The following DGKI variants were observed in gnomAD, a reference collection of about 807,000 sequenced individuals.
DGKI encodes the protein DAG kinase iota.
In DGKI, 55 loss-of-function variants were observed where a neutral mutation model predicts 147.5. The observed-to-expected ratio is 0.37, with a 90% CI of 0.30 to 0.47. DGKI has a LOEUF of 0.47. Among genes scored for constraint, DGKI ranks in the 20% least tolerant of loss-of-function variants. DGKI has a pLI of 1.00. For synonymous variants in DGKI, 469 were observed against 477.1 expected, an observed-to-expected ratio of 0.98 and a Z score of 0.22; for missense variants, 1,007 against 1,323.8, an observed-to-expected ratio of 0.76 and a Z score of 3.71.
At chr7:137,737,512 TAA>T (rs11435717) in intron 1 of DGKI, among the ~76,000 whole-genome samples, 1 of 146,584 alleles carries the variant, frequency 6.8e-6, no homozygotes. Context: ...TTCGTTTTAT[TAA>T]AAAAAAAAAA....
At chr7:137,406,169 G>C (rs948472295) in intron 30 of DGKI, among the ~76,000 whole-genome samples, 2 of 142,610 alleles carry the variant, frequency 1.4e-5, no homozygotes, top group African/African-American at 2.4e-5. Context: ...AAGTGATCAA[G>C]AAGACAGCAA....
rs200038784 is a variant in DGKI, at chr7:137,425,444, G to A, written c.2762-13237C>T. Among the ~76,000 whole-genome samples the A allele has an allele frequency of 3.3e-4, 50 of 152,212 alleles. 2 individuals carry two copies. The East Asian group carries it at 9.5e-3, about 29-fold the overall frequency. ...CAAAAGTACATAAAACCACAAAGAT[G>A]GGGAAAAAACAGAGCAGAAAGACTG... On this transcript the variant is annotated intron_variant, in intron 28 of 32. Transcript: ENST00000614521.
At chr7:137,486,491 A>G (rs1000401262) in intron 22 of DGKI, among the ~76,000 whole-genome samples, 1 of 152,158 alleles carries the variant, frequency 6.6e-6, no homozygotes, top group Non-Finnish European at 1.5e-5. Context: ...ATATTAACAG[A>G]ATTGGACCTG....
At chr7:137,460,135 A>G (rs1183822463) in intron 27 of DGKI, among the ~76,000 whole-genome samples, 1 of 152,160 alleles carries the variant, frequency 6.6e-6, no homozygotes, top group South Asian at 2.1e-4. Context: ...CTGGGGCTTT[A>G]AAGTGTAAAG....
At chr7:137,767,805 T>G (rs576750698) in intron 1 of DGKI, among the ~76,000 whole-genome samples, 13 of 152,336 alleles carry the variant, frequency 8.5e-5, no homozygotes, top group Non-Finnish European at 1.9e-4. Flanking sequence ...ATGGAAAGAA[T>G]AACAGTATCT....
Position 137,587,241 on chromosome 7 carries a change from T to G in DGKI, c.1312-31A>C, listed in dbSNP as rs553770031. On this transcript the variant is annotated intron_variant, in intron 12 of 32. Coordinates refer to ENST00000614521, the MANE Select transcript of DGKI (RefSeq NM_001321708.2). ...GGCGTATCGGGGGCCAGAAGAGATA[T>G]AAGAAAGATAAATAAGTTACAAAGA... 78 of 1,521,676 alleles carry G rather than the reference T, an allele frequency of 5.1e-5. No individual in the cohort carries two copies. The South Asian group carries it at 9.3e-4, about 18-fold the overall frequency. The allele number at this position is 1,521,676 out of a possible 1,614,324, so 94.3% of individuals were successfully genotyped here.
chr7:137,678,831 G>A (rs538864568), intron 2 of DGKI, among the ~76,000 whole-genome samples, 179 bp from the exon 3 acceptor site: 39 of 152,288 alleles, frequency 2.6e-4, no homozygotes, highest in East Asian at 1.5e-3. Context: ...AAGGGAGAAA[G>A]GTGTTTGGAA....
At chr7:137,544,426 C>T (rs756182453) in intron 20 of DGKI, among the ~76,000 whole-genome samples, 3 of 152,172 alleles carry the variant, frequency 2.0e-5, no homozygotes, top group Non-Finnish European at 2.9e-5. Flanking sequence ...TCTTTGACTG[C>T]TCAAGTGTAA....
At chr7:137,480,944 T>C (rs2128933704) in intron 23 of DGKI, among the ~76,000 whole-genome samples, 1 of 152,256 alleles carries the variant, frequency 6.6e-6, no homozygotes, top group South Asian at 2.1e-4. Context: ...CCTCCTTCTG[T>C]TCTCCATCCC....
chr7:137,598,885 T>C (rs953426185), intron 11 of DGKI, among the ~76,000 whole-genome samples: 16 of 152,016 alleles, frequency 1.1e-4, no homozygotes, highest in African/African-American at 3.4e-4. Flanking sequence ...ATATGTATTA[T>C]GGGACAGAGA....
chr7:137,638,605 T>TATATTCAC, intron 6 of DGKI, among the ~76,000 whole-genome samples: 1 of 14,268 alleles, frequency 7.0e-5, no homozygotes, highest in Middle Eastern at 0.045. Flanking sequence ...CATATATGTA[T>TATATTCAC]ATATATACAC....
At chr7:137,531,091 A>T (rs834084) in intron 20 of DGKI, among the ~76,000 whole-genome samples, 5,598 of 152,272 alleles carry the variant, frequency 0.037, 262 homozygotes, top group East Asian at 0.11. Context: ...CTTAAGGAGT[A>T]TAAAACTTGG....
intron 6 of DGKI, among the ~76,000 whole-genome samples, chr7:137,643,017 C>T (rs563608165): frequency 6.8e-6 from 1 of 147,818 alleles, no homozygotes; most frequent in Non-Finnish European, 1.5e-5. Context: ...ATGGGCCGGG[C>T]GCGGTGGCTC....
intron 21 of DGKI, among the ~76,000 whole-genome samples, chr7:137,494,702 T>C (rs1852641): frequency 0.16 from 24,780 of 152,128 alleles, 3,004 homozygotes; most frequent in African/African-American, 0.35. Context: ...AGGTCATTAC[T>C]GGCCACTACA....
chr7:137,439,722 G>T (rs1481952619), intron 28 of DGKI, among the ~76,000 whole-genome samples: 1 of 152,154 alleles, frequency 6.6e-6, no homozygotes, highest in African/African-American at 2.4e-5. Context: ...TAGTGATTGT[G>T]GTTGTGACAA....
At chr7:137,737,086 T>C (rs3800645) in intron 1 of DGKI, among the ~76,000 whole-genome samples, 42,138 of 151,230 alleles carry the variant, frequency 0.28, 5,964 homozygotes, top group Middle Eastern at 0.37. Flanking sequence ...CAGCACGAAA[T>C]ATGACAGTGT....
chr7:137,434,315 C>CG (rs1813198272), intron 28 of DGKI, among the ~76,000 whole-genome samples: 1 of 152,186 alleles, frequency 6.6e-6, no homozygotes. Flanking sequence ...CATGGTGGCT[C>CG]ATGCCTGTAA....
chr7:137,455,641 G>A (rs545415127), intron 27 of DGKI, among the ~76,000 whole-genome samples: 2 of 111,498 alleles, frequency 1.8e-5, no homozygotes, highest in African/African-American at 6.6e-5. Context: ...AAAAAAAAAG[G>A]GGGGGGGGCG....
At chr7:137,569,888 C>T (rs927458864) in intron 19 of DGKI, among the ~76,000 whole-genome samples, 4 of 151,324 alleles carry the variant, frequency 2.6e-5, no homozygotes, top group South Asian at 2.1e-4. Context: ...TGTGTTACAA[C>T]GCTGGAAAGT....
Sources: gnomAD v4.1 joint callset for allele counts (sites outside exome capture counted in the v4.1 genomes callset) on GRCh38, gnomAD v4.1.1 for gene constraint, MANE v1.5 for transcripts, NCBI Gene and HGNC (gene_info 2026-07-23, HGNC 2026-07-21) for gene names.